The following DAB1 variants were observed in gnomAD, a reference collection of about 807,000 sequenced individuals.
DAB1 encodes the protein DAB adaptor protein 1.
In DAB1, 15 loss-of-function variants were observed where a neutral mutation model predicts 64.6. The observed-to-expected ratio is 0.23, with a 90% CI of 0.16 to 0.36. The LOEUF (loss-of-function observed/expected upper bound fraction) is 0.36, where lower values mean the gene tolerates loss of function less well. DAB1 is among the 10% of genes least tolerant of loss of function. The pLI, the probability that DAB1 is intolerant of heterozygous loss-of-function variation, is 1.00. For missense variants in DAB1, 596 were observed against 706.7 expected (o/e 0.84, Z 1.78); for synonymous variants, 235 against 251.9 (o/e 0.93, Z 0.64).
intron 1 of DAB1, among the ~76,000 whole-genome samples, chr1:58,532,247 A>G (rs1055364691): frequency 1.3e-5 from 2 of 152,170 alleles, no homozygotes; most frequent in African/African-American, 4.8e-5. Flanking sequence ...CTCTGCAAAA[A>G]CATATTAATA....
chr1:57,888,322 G>T (rs1644256655), upstream of DAB1, among the ~76,000 whole-genome samples: 1 of 152,090 alleles, frequency 6.6e-6, no homozygotes, highest in South Asian at 2.1e-4. Flanking sequence ...AGGTCCCTTT[G>T]TGTAAAGAAA....
chr1:57,071,295 G>T, intron 6 of DAB1: 1 of 669,158 alleles, frequency 1.5e-6, no homozygotes, highest in Non-Finnish European at 2.5e-6. Flanking sequence ...CTCCACCCCT[G>T]AAATCTTTCT....
chr1:58,167,926 G>A (rs1378624460), intron 4 of DAB1, among the ~76,000 whole-genome samples: 1 of 152,214 alleles, frequency 6.6e-6, no homozygotes, highest in Admixed American at 6.5e-5. Flanking sequence ...CACTCACTGT[G>A]AGGGTCCACA....
rs1219655257 is a variant in DAB1 at position 57,951,334 on chromosome 1, T to TATATATATATATATATATATATC, written n.388-67173_388-67172insGATATATATATATATATATATAT. On this transcript the variant is annotated intron_variant and non_coding_transcript_variant, in intron 5 of 20. Coordinates refer to the DAB1 transcript ENST00000485760. Reference sequence around the variant, plus strand: ...GCCTGATTCATATATATATATATACTTCCCTGGAAACTTAAATTAGCCCAA... The same window carrying TATATATATATATATATATATATC: ...GCCTGATTCATATATATATATATACTATATATATATATATATATATATCTCCCTGGAAACTTAAATTAGCCCAA... 5.1e-3 allele frequency among the ~76,000 whole-genome samples: 324 copies of TATATATATATATATATATATATC among 63,778 alleles called. 55 individuals are homozygous for TATATATATATATATATATATATC. Among genetic ancestry groups the TATATATATATATATATATATATC allele is most frequent in the Non-Finnish European group, 7.9e-3 (217 of 27,308 alleles). The allele number at this position is 63,778 out of a possible 152,430, so 41.8% of individuals were successfully genotyped here.
chr1:58,061,511 G>T (rs1360661015), intron 5 of DAB1, among the ~76,000 whole-genome samples: 1 of 152,144 alleles, frequency 6.6e-6, no homozygotes, highest in Non-Finnish European at 1.5e-5. Context: ...CCCTGTGTCT[G>T]TCTGTCCAAA....
chr1:57,057,143 G>A (rs1241847990), intron 9 of DAB1, among the ~76,000 whole-genome samples: 1 of 152,124 alleles, frequency 6.6e-6, no homozygotes, highest in Non-Finnish European at 1.5e-5. Context: ...TACTAAATGG[G>A]CTGTCCACTG....
At chr1:57,774,883 G>T (rs1389896277) in intron 6 of DAB1, among the ~76,000 whole-genome samples, 1 of 151,560 alleles carries the variant, frequency 6.6e-6, no homozygotes, top group Non-Finnish European at 1.5e-5. Context: ...TTGCTAATGA[G>T]GCCATCTGTG....
At chr1:58,024,157 T>C (rs1176421316) in intron 5 of DAB1, among the ~76,000 whole-genome samples, 1 of 152,200 alleles carries the variant, frequency 6.6e-6, no homozygotes, top group Non-Finnish European at 1.5e-5. Context: ...CTCTCCTACA[T>C]TTAGATATAG....
intron 2 of DAB1, among the ~76,000 whole-genome samples, chr1:57,207,494 A>G (rs1466334820): frequency 1.8e-5 from 2 of 112,934 alleles, no homozygotes; most frequent in African/African-American, 6.8e-5. Flanking sequence ...CCCAGGCTGG[A>G]GTGCAGTGGC....
intron 6 of DAB1, among the ~76,000 whole-genome samples, chr1:57,774,500 T>A (rs948260208): frequency 6.6e-6 from 1 of 151,816 alleles, no homozygotes; most frequent in Non-Finnish European, 1.5e-5. Flanking sequence ...CCTGATCTTA[T>A]GGAAAGGTAT....
chr1:57,129,394 T>C (rs1189819753), intron 4 of DAB1, among the ~76,000 whole-genome samples: 2 of 152,048 alleles, frequency 1.3e-5, no homozygotes, highest in Non-Finnish European at 2.9e-5. Flanking sequence ...GAGACCCAAT[T>C]TTTCCCCTTA....
At chr1:57,524,926 GA>G (rs1314012485) in intron 7 of DAB1, among the ~76,000 whole-genome samples, 3 of 152,112 alleles carry the variant, frequency 2.0e-5, no homozygotes. Flanking sequence ...TGCTCACAAA[GA>G]ATATGGAAAG....
At chr1:57,175,629 G>A (rs928051002) in intron 2 of DAB1, among the ~76,000 whole-genome samples, 4 of 152,120 alleles carry the variant, frequency 2.6e-5, no homozygotes, top group Admixed American at 6.6e-5. Flanking sequence ...TTTACATGGC[G>A]TATCTGCTCT....
At chr1:57,666,180 T>C (rs564044786) in intron 6 of DAB1, among the ~76,000 whole-genome samples, 6 of 152,106 alleles carry the variant, frequency 3.9e-5, no homozygotes, top group Non-Finnish European at 7.4e-5. Context: ...GAGGAGCACA[T>C]TCAGCTGTAG....
At chr1:57,701,175 A>G (rs889319971) in intron 6 of DAB1, among the ~76,000 whole-genome samples, 1 of 151,980 alleles carries the variant, frequency 6.6e-6, no homozygotes, top group Non-Finnish European at 1.5e-5. Flanking sequence ...AACTAGAAAT[A>G]CCATTTGACC....
At chr1:57,691,795 A>C (rs1646767665) in intron 6 of DAB1, among the ~76,000 whole-genome samples, 1 of 152,122 alleles carries the variant, frequency 6.6e-6, no homozygotes, top group East Asian at 1.9e-4. Context: ...CCACGAAGGA[A>C]CTATCACCAA....
intron 4 of DAB1, among the ~76,000 whole-genome samples, chr1:58,326,982 C>T (rs1172576771): frequency 6.6e-6 from 1 of 152,150 alleles, no homozygotes; most frequent in Non-Finnish European, 1.5e-5. Flanking sequence ...TTTAAAGGGA[C>T]CATATCACTT....
intron 5 of DAB1, among the ~76,000 whole-genome samples, chr1:58,127,812 G>C (rs201832638): frequency 0.2 from 30,643 of 151,064 alleles, 3,268 homozygotes; most frequent in East Asian, 0.36. Context: ...CTGTTCCATT[G>C]ATCTATATCT....
At chr1:58,065,028 T>G (rs992049405) in intron 5 of DAB1, among the ~76,000 whole-genome samples, 1 of 152,222 alleles carries the variant, frequency 6.6e-6, no homozygotes, top group Non-Finnish European at 1.5e-5. Context: ...ATAAATTTGC[T>G]GAGGGCTTAT....
Sources: allele counts gnomAD v4.1 joint callset (sites outside exome capture counted in the v4.1 genomes callset), GRCh38; gene constraint gnomAD v4.1.1; transcripts MANE v1.5; gene names NCBI Gene and HGNC (gene_info 2026-07-23, HGNC 2026-07-21).